The following TDRD9 variants were observed in gnomAD, a reference collection of about 807,000 sequenced individuals.
TDRD9 encodes the protein ATP-dependent RNA helicase TDRD9.
TDRD9 carries 124 observed loss-of-function variants against 172.6 expected under a neutral mutation model. That is an observed-to-expected ratio of 0.72 (90% CI 0.62 to 0.83). The LOEUF is 0.83. TDRD9 is among the 40% of genes least tolerant of loss of function. The pLI is 0.00. For synonymous variants in TDRD9, 619 were observed against 617.1 expected (o/e 1.00, Z -0.05); for missense variants, 1,479 against 1,714.1 (o/e 0.86, Z 2.42).
At chr14:103,999,573 G>A (rs931314493) in intron 13 of TDRD9, among the ~76,000 whole-genome samples, 2 of 152,018 alleles carry the variant, frequency 1.3e-5, no homozygotes, top group Admixed American at 6.6e-5. Context: ...CCTGTGGCAA[G>A]AACTGATTTT....
At chr14:103,929,817 G>C (rs755414775) in intron 1 of TDRD9, among the ~76,000 whole-genome samples, 8 of 152,216 alleles carry the variant, frequency 5.3e-5, no homozygotes, top group Non-Finnish European at 4.4e-5. Flanking sequence ...ACTGCGCCCG[G>C]CCTGCTTCCA....
At chr14:104,037,265 C>A (rs934576681) in intron 32 of TDRD9, among the ~76,000 whole-genome samples, 1 of 152,304 alleles carries the variant, frequency 6.6e-6, no homozygotes, top group African/African-American at 2.4e-5. Flanking sequence ...TCCTGCGAGC[C>A]GCTGCCCCGC....
In TDRD9 at chr14:103,994,424, A is replaced by G. The variant is rs958040329; in HGVS notation, c.1235+38A>G. Reference sequence around the variant, plus strand: ...TGATACAGCTGTATTCTTCTAAGCCATTGCATTGTTTCTGCCTTAAATTAT... The same window carrying G: ...TGATACAGCTGTATTCTTCTAAGCCGTTGCATTGTTTCTGCCTTAAATTAT... On this transcript the variant is annotated intron_variant, in intron 10 of 35. Coordinates refer to ENST00000409874, the MANE Select transcript of TDRD9 (RefSeq NM_153046.3). 1.9e-6 allele frequency: 3 copies of G among 1,607,000 alleles called. No homozygotes were observed. The African/African-American group carries it at 4.0e-5, about 21-fold the overall frequency.
rs10661391 is a variant in TDRD9 at position 104,023,184 on chromosome 14, C to CAAAAAAAAAAAAA, written c.2606+872_2606+884dup. Reference sequence around the variant, plus strand: ...TGGGCGACAGAGCGAGACTCCGTCTCAAAAAAAAAAAAAAAAAAAAAAAAA... The same window carrying CAAAAAAAAAAAAA: ...TGGGCGACAGAGCGAGACTCCGTCTCAAAAAAAAAAAAAAAAAAAAAAAAAAAAAAAAAAAAAA... On this transcript the variant is annotated intron_variant, in intron 24 of 35. Transcript: ENST00000409874. Among the ~76,000 whole-genome samples the CAAAAAAAAAAAAA allele has an allele frequency of 7.8e-5, 5 of 64,456 alleles. 1 individual carries two copies. Among genetic ancestry groups the CAAAAAAAAAAAAA allele is most frequent in the African/African-American group, 2.9e-4 (4 of 13,928 alleles). 42.3% of individuals were successfully genotyped at this position (64,456 alleles called of 152,430 possible).
At chr14:103,994,693 G>T (rs1219452188) in intron 11 of TDRD9, 90 bp downstream of exon 11, 2 of 1,051,746 alleles carry the variant, frequency 1.9e-6, no homozygotes, top group African/African-American at 3.2e-5. Context: ...GGGTGTCGTG[G>T]CTCATGCGTG....
In TDRD9 at chr14:103,974,126, C is replaced by T. The variant is rs1436027016; in HGVS notation, c.847-1263C>T. Among the ~76,000 whole-genome samples, 6 of 152,182 alleles carry T rather than the reference C, an allele frequency of 3.9e-5. No individual in the cohort carries two copies. In the East Asian group the frequency reaches 1.2e-3, roughly 29 times the overall value. ...CTGAGGTGAGAGGATCACTGAAGCC[C>T]AGGAGGCTGAGGTTGCAGTGAGCTG... On this transcript the variant is annotated intron_variant, in intron 6 of 35. Coordinates refer to ENST00000409874, the MANE Select transcript of TDRD9 (RefSeq NM_153046.3).
intron 34 of TDRD9, among the ~76,000 whole-genome samples, chr14:104,046,834 G>C (rs1233020561): frequency 6.6e-6 from 1 of 152,068 alleles, no homozygotes; most frequent in Non-Finnish European, 1.5e-5. Flanking sequence ...TTTTAGTAGA[G>C]ACGGGGTTTC....
In TDRD9 at chr14:104,004,626, C is replaced by A. The variant is rs555602906; in HGVS notation, c.1581+291C>A. Among the ~76,000 whole-genome samples the A allele has an allele frequency of 7.3e-4, 111 of 152,256 alleles. 2 individuals are homozygous for A. The South Asian group carries it at 0.013, about 18-fold the overall frequency. On this transcript the variant is annotated intron_variant, in intron 14 of 35. Coordinates refer to ENST00000409874, the MANE Select transcript of TDRD9 (RefSeq NM_153046.3). ...AACTCCTGACCTCGTGATCCGCCCGCCTTGGCCTCCCAAAGTGTCAAAGTT... is the reference window on the plus strand; with the variant it reads ...AACTCCTGACCTCGTGATCCGCCCGACTTGGCCTCCCAAAGTGTCAAAGTT...
chr14:104,043,954 G>A (rs150987781), intron 34 of TDRD9, among the ~76,000 whole-genome samples: 5 of 152,190 alleles, frequency 3.3e-5, no homozygotes, highest in African/African-American at 9.7e-5. Flanking sequence ...CACAGCCTGT[G>A]GGGGGCTCGT....
intron 13 of TDRD9, among the ~76,000 whole-genome samples, chr14:104,000,471 T>TA (rs1447202266): frequency 1.3e-5 from 2 of 151,704 alleles, no homozygotes; most frequent in East Asian, 3.9e-4. Context: ...TCAAACTTTC[T>TA]AAAAAACTAT....
chr14:103,938,444 T>A (rs868846703), intron 1 of TDRD9, among the ~76,000 whole-genome samples: 7 of 108,770 alleles, frequency 6.4e-5, no homozygotes, highest in African/African-American at 2.0e-4. Flanking sequence ...ATATATATTT[T>A]TTTTTTTTTT....
At chr14:104,039,933 C>A (rs1364337239) in intron 32 of TDRD9, among the ~76,000 whole-genome samples, 1 of 152,044 alleles carries the variant, frequency 6.6e-6, no homozygotes, top group African/African-American at 2.4e-5. Flanking sequence ...TTTTCATTAT[C>A]TTATCTACCA....
At chr14:103,948,422 A>G (rs2031687458) in intron 1 of TDRD9, among the ~76,000 whole-genome samples, 2 of 152,150 alleles carry the variant, frequency 1.3e-5, no homozygotes, top group Non-Finnish European at 2.9e-5. Flanking sequence ...GCTGCTGTGG[A>G]AAACAGTATG....
intron 31 of TDRD9, among the ~76,000 whole-genome samples, chr14:104,034,387 T>C (rs10140436): frequency 0.022 from 3,338 of 152,162 alleles, 139 homozygotes; most frequent in Admixed American, 0.12. Context: ...AGATGGGGTT[T>C]CACTGTGTTA....
intron 5 of TDRD9, among the ~76,000 whole-genome samples, chr14:103,968,896 TG>T (rs1233480239): frequency 2.0e-5 from 3 of 148,078 alleles, no homozygotes; most frequent in Non-Finnish European, 3.0e-5. Context: ...GTCAGGAGAT[TG>T]AGACCATCTT....
rs911376960 is a variant in TDRD9 at position 103,965,651 on chromosome 14, C to A, written c.642+97C>A. 1.1e-5 allele frequency: 12 copies of A among 1,093,282 alleles called. No homozygotes were observed. In the African/African-American group the frequency reaches 1.9e-4, roughly 17 times the overall value. The allele number at this position is 1,093,282 out of a possible 1,614,324, so 67.7% of individuals were successfully genotyped here. Reference sequence around the variant, plus strand: ...TTCTGTGTAAGTTGATAGTATGTGACCATTTTCTGCTGAAAATTAGTTGTG... The same window carrying A: ...TTCTGTGTAAGTTGATAGTATGTGAACATTTTCTGCTGAAAATTAGTTGTG... On this transcript the variant is annotated intron_variant, in intron 4 of 35. Transcript: ENST00000409874.
At chr14:103,961,222 G>C (rs2032493058) in intron 2 of TDRD9, among the ~76,000 whole-genome samples, 1 of 152,202 alleles carries the variant, frequency 6.6e-6, no homozygotes, top group Admixed American at 6.5e-5. Context: ...AGTGAGACGT[G>C]ATAATGGAAA....
intron 28 of TDRD9, 63 bp downstream of exon 28, chr14:104,027,002 T>C: frequency 6.4e-7 from 1 of 1,556,402 alleles, no homozygotes; most frequent in Non-Finnish European, 8.7e-7. Context: ...CAGGCTTTCC[T>C]TCCTCTGTGG....
chr14:104,009,129 T>A (rs771571428), intron 20 of TDRD9, among the ~76,000 whole-genome samples: 18 of 152,186 alleles, frequency 1.2e-4, no homozygotes, highest in Middle Eastern at 3.2e-3. Context: ...GCTGCAAACC[T>A]GTACAGCATG....
Sources: gnomAD v4.1 joint callset for allele counts (sites outside exome capture counted in the v4.1 genomes callset) on GRCh38, gnomAD v4.1.1 for gene constraint, MANE v1.5 for transcripts, NCBI Gene and HGNC (gene_info 2026-07-23, HGNC 2026-07-21) for gene names.